UBXN4: variants seen among roughly 807,000 people sequenced by gnomAD.
UBXN4 encodes UBX domain protein 4.
A neutral mutation model predicts 66.2 loss-of-function variants in UBXN4; 35 were observed. The observed-to-expected ratio is 0.53, with a 90% confidence interval of 0.40 to 0.70. The LOEUF (loss-of-function observed/expected upper bound fraction) is 0.70. Among genes scored for constraint, UBXN4 ranks in the 30% least tolerant of loss-of-function variants. UBXN4 has a pLI of 0.00. For synonymous variants in UBXN4, 203 were observed against 204.5 expected (o/e 0.99, Z 0.06); for missense variants, 533 against 599.8 (o/e 0.89, Z 1.16).
chr2:135,741,863 A>T lies in UBXN4; in HGVS notation c.-67A>T. ...GGGCCGCAGAGCCGGACGAAGACGG[A>T]GGGCGGAGCCGGCTTCGGGACTGCG... is the stretch of plus-strand genomic sequence containing the variant. On this transcript the variant is annotated 5_prime_UTR_variant, in exon 1 of 13. Transcript: ENST00000272638. 6.5e-7 allele frequency: 1 copy of T among 1,528,560 alleles called. No individual in the cohort carries two copies. Among genetic ancestry groups the T allele is most frequent in the South Asian group, 1.2e-5 (1 of 83,852 alleles). 94.7% of individuals were successfully genotyped at this position (1,528,560 alleles called of 1,614,324 possible). A position where few individuals can be genotyped will look rare whatever the true frequency, so the allele number is the denominator to read the frequency against.
At position 135,744,625 on chromosome 2, in the gene UBXN4, A is replaced by AT. The variant is rs143708986; in HGVS notation, c.82+2617dup. Among the ~76,000 whole-genome samples the AT allele has an allele frequency of 6.6e-5, 10 of 151,970 alleles. 1 individual carries two copies. Among genetic ancestry groups the AT allele is most frequent in the African/African-American group, 2.2e-4 (9 of 41,448 alleles). On this transcript the variant is annotated intron_variant, in intron 1 of 12. Coordinates refer to ENST00000272638, the MANE Select transcript of UBXN4 (RefSeq NM_014607.4). ...AGCCTTTAGGTTTTGAGCAGTTGAGATTTATTTTACATCGGAAAGACTGGC... is the reference window on the plus strand; with the variant it reads ...AGCCTTTAGGTTTTGAGCAGTTGAGATTTTATTTTACATCGGAAAGACTGGC...
intron 9 of UBXN4, among the ~76,000 whole-genome samples, chr2:135,775,773 TTTTG>T (rs1157804432): frequency 6.6e-6 from 1 of 152,220 alleles, no homozygotes; most frequent in African/African-American, 2.4e-5. Context: ...AAGGCTTAAT[TTTTG>T]TTTGTTTGAG....
intron 4 of UBXN4, among the ~76,000 whole-genome samples, chr2:135,754,526 T>TTG (rs2077267790): frequency 6.6e-6 from 1 of 152,136 alleles, no homozygotes; most frequent in African/African-American, 2.4e-5. Flanking sequence ...TTTCACCATG[T>TTG]TGGCCAGGCT....
At chr2:135,771,344 G>T (rs1304298534) in intron 8 of UBXN4, among the ~76,000 whole-genome samples, 1 of 152,072 alleles carries the variant, frequency 6.6e-6, no homozygotes, top group African/African-American at 2.4e-5. Flanking sequence ...GGGTGTGGTG[G>T]TGGGCGCCTA....
rs1320627385 is a variant in UBXN4 at position 135,753,516 on chromosome 2, TTTTG to T, written c.186-18_186-15del. On this transcript the variant is annotated intron_variant, in intron 2 of 12. Transcript: ENST00000272638. Reference sequence around the variant, plus strand: ...GAAAATACTTGCATTCATCTAGTGATTTTGTTTGATTTTGTTTTACAGTGAAGCC... The same window carrying T: ...GAAAATACTTGCATTCATCTAGTGATTTTGATTTTGTTTTACAGTGAAGCC... 4.0e-6 allele frequency: 6 copies of T among 1,518,012 alleles called. No homozygotes were observed. The highest frequency in any genetic ancestry group is 2.9e-5 in the African/African-American group (2 of 68,924). 94.0% of individuals were successfully genotyped at this position (1,518,012 alleles called of 1,614,324 possible). A position where few individuals can be genotyped will look rare whatever the true frequency, so the allele number is the denominator to read the frequency against.
chr2:135,757,504 T>G (rs1462508825), intron 5 of UBXN4, among the ~76,000 whole-genome samples: 1 of 152,228 alleles, frequency 6.6e-6, no homozygotes, highest in African/African-American at 2.4e-5. Flanking sequence ...CTTTAAAGTC[T>G]TTGTCTGACA....
At chr2:135,772,935 G>T (rs1458995116) in intron 9 of UBXN4, among the ~76,000 whole-genome samples, 2 of 151,816 alleles carry the variant, frequency 1.3e-5, no homozygotes, top group East Asian at 3.9e-4. Flanking sequence ...TACGCGGGAG[G>T]CTGAGGCAGG....
chr2:135,768,571 AT>A (rs973697916), intron 6 of UBXN4, among the ~76,000 whole-genome samples: 3 of 137,656 alleles, frequency 2.2e-5, no homozygotes, highest in Non-Finnish European at 4.8e-5. Context: ...TTATATTATT[AT>A]TTTTTTTTCC....
intron 2 of UBXN4, among the ~76,000 whole-genome samples, chr2:135,750,944 C>T (rs1675546570): frequency 6.8e-6 from 1 of 146,084 alleles, no homozygotes; most frequent in Non-Finnish European, 1.5e-5. Flanking sequence ...CAAGCTCCGC[C>T]TCCCGGGTTC....
Position 135,754,468 on chromosome 2 carries a change from A to T in UBXN4, c.333+191A>T, listed in dbSNP as rs1575315899. Among the ~76,000 whole-genome samples, 5 of 152,082 alleles carry T rather than the reference A, an allele frequency of 3.3e-5. No homozygotes were observed. In the South Asian group the frequency reaches 1.0e-3, roughly 32 times the overall value. ...CTCCCAAGTAGCTGGGATTACAGGC[A>T]CCTGCCACCACACTGAGCTGATTTT... On this transcript the variant is annotated intron_variant, in intron 4 of 12. Coordinates refer to ENST00000272638, the MANE Select transcript of UBXN4 (RefSeq NM_014607.4).
intron 4 of UBXN4, among the ~76,000 whole-genome samples, 171 bp from the exon 5 acceptor site, chr2:135,755,346 C>T (rs1162129500): frequency 1.3e-5 from 2 of 152,068 alleles, no homozygotes; most frequent in Non-Finnish European, 2.9e-5. Flanking sequence ...AGGTAAATTC[C>T]ATAATGTGAT....
intron 2 of UBXN4, among the ~76,000 whole-genome samples, chr2:135,748,724 CAAA>C (rs34276326): frequency 1.4e-3 from 190 of 131,760 alleles, no homozygotes; most frequent in Non-Finnish European, 1.5e-3. Context: ...AACTCTGTCT[CAAA>C]AAAAAAAAAA....
chr2:135,753,740 C>A, intron 3 of UBXN4, 173 bp downstream of exon 3: 1 of 581,744 alleles, frequency 1.7e-6, no homozygotes, highest in South Asian at 3.2e-5. Flanking sequence ...TAGGAAATTT[C>A]AAACATATAT....
chr2:135,770,520 CTG>C, intron 7 of UBXN4, 49 bp from the exon 8 acceptor site: 1 of 1,235,894 alleles, frequency 8.1e-7, no homozygotes, highest in Non-Finnish European at 1.1e-6. Context: ...AAAATAATAT[CTG>C]GGGCAGATTA....
chr2:135,772,389 A>C (rs573863918), intron 8 of UBXN4, 31 bp from the exon 9 acceptor site: 1 of 1,604,314 alleles, frequency 6.2e-7, no homozygotes, highest in South Asian at 1.1e-5. Context: ...TCTGGCAGTA[A>C]AGGTAATTGG....
In UBXN4 at chr2:135,755,504, A is replaced by C; in HGVS notation, c.334-13A>C. ...TTATCTATTAATTAAAATCCAATTT[A>C]TTTTCTGCCTAGATGCATTTGCTAA... On this transcript the variant is annotated splice_polypyrimidine_tract_variant and intron_variant, in intron 4 of 12. Coordinates refer to ENST00000272638, the MANE Select transcript of UBXN4 (RefSeq NM_014607.4). 6.5e-7 allele frequency: 1 copy of C among 1,549,218 alleles called. No homozygotes were observed. Among genetic ancestry groups the C allele is most frequent in the Non-Finnish European group, 8.7e-7 (1 of 1,145,276 alleles).
chr2:135,746,650 A>G (rs1464183128), intron 1 of UBXN4, among the ~76,000 whole-genome samples: 1 of 152,158 alleles, frequency 6.6e-6, no homozygotes, highest in African/African-American at 2.4e-5. Context: ...TATCTGGGGG[A>G]AGAACATTCC....
intron 11 of UBXN4, 76 bp from the exon 12 acceptor site, chr2:135,780,107 A>T (rs1156392611): frequency 1.4e-6 from 2 of 1,437,314 alleles, no homozygotes; most frequent in Non-Finnish European, 1.9e-6. Context: ...TCCAGATAAA[A>T]GTTTCATCTG....
intron 9 of UBXN4, among the ~76,000 whole-genome samples, chr2:135,775,050 GTTCAACA>G (rs1186258181): frequency 6.6e-6 from 1 of 152,134 alleles, no homozygotes; most frequent in African/African-American, 2.4e-5. Context: ...ATGAAAAGAT[GTTCAACA>G]TCATTAGTCA....
Sources: gnomAD v4.1 joint callset for allele counts (sites outside exome capture counted in the v4.1 genomes callset) on GRCh38, gnomAD v4.1.1 for gene constraint, MANE v1.5 for transcripts, NCBI Gene and HGNC (gene_info 2026-07-23, HGNC 2026-07-21) for gene names.